The following AAK1 variants were observed in gnomAD, a reference collection of about 807,000 sequenced individuals.
AAK1 encodes the protein AP2-associated protein kinase 1.
A neutral mutation model predicts 116.0 loss-of-function variants in AAK1; 37 were observed. That is an observed-to-expected ratio of 0.32 (90% CI 0.25 to 0.42). The LOEUF is 0.42. AAK1 is among the 10% of genes least tolerant of loss of function. The pLI, the probability that AAK1 is intolerant of heterozygous loss-of-function variation, is 1.00. For missense variants in AAK1, 919 were observed against 1,170.6 expected (o/e 0.79, Z 3.14); for synonymous variants, 458 against 439.9 (o/e 1.04, Z -0.51).
At chr2:69,507,112 C>A (rs576510110) in intron 15 of AAK1, among the ~76,000 whole-genome samples, 23 of 152,264 alleles carry the variant, frequency 1.5e-4, no homozygotes, top group African/African-American at 5.1e-4. Flanking sequence ...CAAGGAGGGA[C>A]CATGCCTGAT....
At position 69,635,655 on chromosome 2, in the gene AAK1, G is replaced by A. The variant is rs554771175; in HGVS notation, c.163+7223C>T. Among the ~76,000 whole-genome samples, 9 of 152,264 alleles carry A rather than the reference G, an allele frequency of 5.9e-5. No individual in the cohort carries two copies. The South Asian group carries it at 1.7e-3, about 28-fold the overall frequency. ...TGGTACAAAACAAATGAACCTTGAGGACATTATGCTAAGTGAAATAAGCCA... is the reference window on the plus strand; with the variant it reads ...TGGTACAAAACAAATGAACCTTGAGAACATTATGCTAAGTGAAATAAGCCA... On this transcript the variant is annotated intron_variant, in intron 2 of 21. Transcript: ENST00000409085.
chr2:69,575,402 C>T (rs553943647), intron 2 of AAK1, among the ~76,000 whole-genome samples: 5 of 151,120 alleles, frequency 3.3e-5, no homozygotes, highest in East Asian at 3.9e-4. Context: ...CAGATAAATA[C>T]TATTTTACTG....
intron 19 of AAK1, among the ~76,000 whole-genome samples, chr2:69,480,260 C>CAAAA (rs761196037): frequency 1.2e-4 from 8 of 68,054 alleles, no homozygotes; most frequent in African/African-American, 3.8e-4. Flanking sequence ...GAATTATGGA[C>CAAAA]AAAAAAAAAA....
intron 3 of AAK1, 72 bp from the exon 4 acceptor site, chr2:69,544,616 A>C: frequency 9.5e-7 from 1 of 1,049,126 alleles, no homozygotes; most frequent in East Asian, 2.4e-5. Context: ...AGTCAGTTCC[A>C]TTAGCACAGA....
At chr2:69,540,121 C>A (rs1456465845) in intron 5 of AAK1, among the ~76,000 whole-genome samples, 1 of 127,818 alleles carries the variant, frequency 7.8e-6, no homozygotes, top group Admixed American at 7.7e-5. Context: ...CCCCACTTGC[C>A]TTTTTTTTTT....
Position 69,472,186 on chromosome 2 carries a change from AG to A in AAK1, c.*3682del, listed in dbSNP as rs1336622825. 5 of 982,486 alleles carry A rather than the reference AG, an allele frequency of 5.1e-6. No homozygotes were observed. The highest frequency in any genetic ancestry group is 4.8e-6 in the Non-Finnish European group (4 of 827,350). 60.9% of individuals were successfully genotyped at this position (982,486 alleles called of 1,614,324 possible). A position where few individuals can be genotyped will look rare whatever the true frequency, so the allele number is the denominator to read the frequency against. ...ACTTTCTATTATAAGGTCCTCTCTG[AG>A]AATTTTTTGTGGATTATCCTTTTTA... On this transcript the variant is annotated 3_prime_UTR_variant, in exon 22 of 22. Coordinates refer to ENST00000409085, the MANE Select transcript of AAK1 (RefSeq NM_014911.5).
chr2:69,610,424 T>C (rs965955995), intron 2 of AAK1, among the ~76,000 whole-genome samples: 1 of 152,200 alleles, frequency 6.6e-6, no homozygotes. Flanking sequence ...GGGAAAATCT[T>C]CATGACATTG....
At chr2:69,611,933 G>T (rs1371092805) in intron 2 of AAK1, among the ~76,000 whole-genome samples, 1 of 152,220 alleles carries the variant, frequency 6.6e-6, no homozygotes, top group African/African-American at 2.4e-5. Context: ...TTTAGATGAG[G>T]TATCTAGAGT....
intron 2 of AAK1, among the ~76,000 whole-genome samples, chr2:69,602,573 T>C (rs938570152): frequency 1.3e-5 from 2 of 152,146 alleles, no homozygotes; most frequent in Admixed American, 6.5e-5. Context: ...TTTTCTACTG[T>C]TTATGTAACT....
rs1177140937 is a variant in AAK1, at chr2:69,462,224, G to C, written c.*13645C>G. On this transcript the variant is annotated 3_prime_UTR_variant, in exon 22 of 22. Transcript: ENST00000409085. ...CACACTCTGGGGACTGTTGTGGGGT[G>C]GGGGGAGGGGGGCGGGATAGCATTA... 5 of 120,246 alleles carry C rather than the reference G, an allele frequency of 4.2e-5. No individual in the cohort carries two copies. Among genetic ancestry groups the C allele is most frequent in the Non-Finnish European group, 8.6e-5 (5 of 58,090 alleles). 7.4% of individuals were successfully genotyped at this position (120,246 alleles called of 1,614,324 possible).
intron 21 of AAK1, 32 bp from the exon 22 acceptor site, chr2:69,475,995 A>C (rs1674843155): frequency 6.3e-7 from 1 of 1,595,078 alleles, no homozygotes; most frequent in Non-Finnish European, 8.5e-7. Flanking sequence ...TTCAGTACAA[A>C]ACATAGAGGG....
At chr2:69,572,732 T>G (rs532117962) in intron 2 of AAK1, among the ~76,000 whole-genome samples, 1 of 151,962 alleles carries the variant, frequency 6.6e-6, no homozygotes, top group Admixed American at 6.6e-5. Context: ...CAGTCCTGGC[T>G]GTGTGAAAAT....
chr2:69,624,314 C>T (rs1035702694), intron 2 of AAK1, among the ~76,000 whole-genome samples: 1 of 152,126 alleles, frequency 6.6e-6, no homozygotes, highest in African/African-American at 2.4e-5. Flanking sequence ...TATAAAATAA[C>T]ATAAATGTCT....
rs943347192 is a variant in AAK1, at chr2:69,463,519, T to A, written c.*12350A>T. Reference sequence around the variant, plus strand: ...ACCCAGCTAATTTTTTTCATTATTTTATTTAATTTTATTTTTTAGACTCGC... The same window carrying A: ...ACCCAGCTAATTTTTTTCATTATTTAATTTAATTTTATTTTTTAGACTCGC... On this transcript the variant is annotated 3_prime_UTR_variant, in exon 22 of 22. Coordinates refer to ENST00000409085, the MANE Select transcript of AAK1 (RefSeq NM_014911.5). 7 of 152,126 alleles carry A rather than the reference T, an allele frequency of 4.6e-5. No individual in the cohort carries two copies. The highest frequency in any genetic ancestry group is 7.3e-5 in the Non-Finnish European group (5 of 68,038). 9.4% of individuals were successfully genotyped at this position (152,126 alleles called of 1,614,324 possible).
At chr2:69,599,657 G>GT (rs531177266) in intron 2 of AAK1, among the ~76,000 whole-genome samples, 11 of 152,152 alleles carry the variant, frequency 7.2e-5, no homozygotes, top group Non-Finnish European at 1.3e-4. Flanking sequence ...TTGTTATTGT[G>GT]TATCAGTAAT....
intron 14 of AAK1, 123 bp from the exon 15 acceptor site, chr2:69,507,701 C>A: frequency 2.0e-6 from 2 of 1,012,126 alleles, no homozygotes; most frequent in Non-Finnish European, 2.8e-6. Flanking sequence ...CATTTTCCAC[C>A]ACAGTATTTT....
chr2:69,530,535 A>G, intron 7 of AAK1, 90 bp downstream of exon 7: 1 of 1,084,608 alleles, frequency 9.2e-7, no homozygotes, highest in Non-Finnish European at 1.4e-6. Flanking sequence ...TACAGTAGCC[A>G]CCATGCTATA....
intron 2 of AAK1, among the ~76,000 whole-genome samples, chr2:69,642,675 G>A (rs947595407): frequency 6.6e-6 from 1 of 151,888 alleles, no homozygotes; most frequent in African/African-American, 2.4e-5. Context: ...AAACAATTTC[G>A]GCAACCTCCC....
In AAK1 at chr2:69,630,212, T is replaced by C. The variant is rs1037514191; in HGVS notation, c.163+12666A>G. ...AAAAACTTGATAGGTTAAGAAAAACTCCCTGACACACAGGTAGCTTTCAAG... is the reference window on the plus strand; with the variant it reads ...AAAAACTTGATAGGTTAAGAAAAACCCCCTGACACACAGGTAGCTTTCAAG... On this transcript the variant is annotated intron_variant, in intron 2 of 21. Transcript: ENST00000409085. 1.6e-4 allele frequency among the ~76,000 whole-genome samples: 24 copies of C among 151,734 alleles called. 1 individual carries two copies. Among genetic ancestry groups the C allele is most frequent in the Non-Finnish European group, 2.9e-5 (2 of 67,944 alleles).
Sources: allele counts gnomAD v4.1 joint callset (sites outside exome capture counted in the v4.1 genomes callset), GRCh38; gene constraint gnomAD v4.1.1; transcripts MANE v1.5; gene names NCBI Gene and HGNC (gene_info 2026-07-23, HGNC 2026-07-21).